The following ELAPOR2 variants were observed in gnomAD, a reference collection of about 807,000 sequenced individuals.
The protein encoded by ELAPOR2 is endosome/lysosome-associated apoptosis and autophagy regulator family member 2.
ELAPOR2 carries 89 observed loss-of-function variants against 120.7 expected under a neutral mutation model. That is an observed-to-expected ratio of 0.74 (90% confidence interval 0.62 to 0.88). The LOEUF is 0.88. ELAPOR2 is among the 40% of genes least tolerant of loss of function. The pLI, the probability that ELAPOR2 is intolerant of heterozygous loss-of-function variation, is 0.00. For missense variants in ELAPOR2, 1,134 were observed against 1,251.6 expected, an observed-to-expected ratio of 0.91 and a Z score of 1.42; for synonymous variants, 444 against 444.9, an observed-to-expected ratio of 1.00 and a Z score of 0.03.
At chr7:86,938,254 T>C in intron 7 of ELAPOR2, 40 bp from the exon 8 acceptor site, 2 of 1,465,784 alleles carry the variant, frequency 1.4e-6, no homozygotes, top group Non-Finnish European at 1.9e-6. Context: ...GGGTCAATTA[T>C]TTTGCAACTC....
chr7:87,029,696 A>G (rs1003447405), intron 1 of ELAPOR2, among the ~76,000 whole-genome samples: 8 of 152,188 alleles, frequency 5.3e-5, no homozygotes, highest in African/African-American at 1.9e-4. Flanking sequence ...TGCTTGTTCA[A>G]ATTATTCAAA....
In ELAPOR2 at chr7:86,989,175, T is replaced by G. The variant is rs145608617; in HGVS notation, c.190-24151A>C. On this transcript the variant is annotated intron_variant, in intron 1 of 21. Transcript: ENST00000450689. ...ATTAGTGAGCCACCAGATTATAGAC[T>G]TTTTTTAAAGATGCAATTTTAATCA... Among the ~76,000 whole-genome samples, 277 of 152,306 alleles carry G rather than the reference T, an allele frequency of 1.8e-3. 7 individuals carry two copies. The East Asian group carries it at 0.05, about 28-fold the overall frequency.
intron 4 of ELAPOR2, among the ~76,000 whole-genome samples, chr7:86,943,346 A>T (rs1203318884): frequency 6.6e-6 from 1 of 151,966 alleles, no homozygotes; most frequent in Non-Finnish European, 1.5e-5. Flanking sequence ...ATATAGTTCC[A>T]AAATTAAATA....
At chr7:87,046,204 C>T (rs1794951119) in intron 1 of ELAPOR2, among the ~76,000 whole-genome samples, 1 of 151,990 alleles carries the variant, frequency 6.6e-6, no homozygotes, top group South Asian at 2.1e-4. Context: ...ATCTCATTTA[C>T]AATAGCCATG....
chr7:87,052,805 T>TGTTTTG (rs1256400591), intron 1 of ELAPOR2, among the ~76,000 whole-genome samples: 1 of 151,132 alleles, frequency 6.6e-6, no homozygotes, highest in Non-Finnish European at 1.5e-5. Flanking sequence ...TGTTTTGTTT[T>TGTTTTG]GTTTTGTTTG....
chr7:86,909,554 GA>G (rs1789195840), intron 16 of ELAPOR2, among the ~76,000 whole-genome samples: 1 of 152,004 alleles, frequency 6.6e-6, no homozygotes, highest in African/African-American at 2.4e-5. Flanking sequence ...TAAAGTTCTA[GA>G]AAGTCTGATG....
At chr7:86,976,672 G>C (rs1309523530) in intron 1 of ELAPOR2, among the ~76,000 whole-genome samples, 3 of 152,118 alleles carry the variant, frequency 2.0e-5, no homozygotes, top group Non-Finnish European at 4.4e-5. Context: ...AACCTAACCA[G>C]GTCAACTGGC....
At chr7:87,013,512 G>A (rs1394114762) in intron 1 of ELAPOR2, among the ~76,000 whole-genome samples, 6 of 152,174 alleles carry the variant, frequency 3.9e-5, no homozygotes, top group African/African-American at 1.4e-4. Context: ...AGGGTGAGGT[G>A]AGTGTTAGAT....
rs574169380 is a variant in ELAPOR2 at position 87,040,311 on chromosome 7, G to A, written c.189+19014C>T. Among the ~76,000 whole-genome samples, 272 of 152,284 alleles carry A rather than the reference G, an allele frequency of 1.8e-3. 3 individuals are homozygous for A. The highest frequency in any genetic ancestry group is 6.2e-3 in the African/African-American group (257 of 41,558). ...GCCTGCCTCTGCAGGCTCCACCTCTGGGGGCAGGGCACAGACAAACAAAAA... is the reference window on the plus strand; with the variant it reads ...GCCTGCCTCTGCAGGCTCCACCTCTAGGGGCAGGGCACAGACAAACAAAAA... On this transcript the variant is annotated intron_variant, in intron 1 of 21. Transcript: ENST00000450689.
chr7:86,982,366 T>C (rs1792532430), intron 1 of ELAPOR2, among the ~76,000 whole-genome samples: 1 of 152,164 alleles, frequency 6.6e-6, no homozygotes, highest in Admixed American at 6.5e-5. Context: ...CTCAAGTGGG[T>C]CCCTGACCTC....
At chr7:86,912,774 A>C (rs1237954408) in intron 14 of ELAPOR2, among the ~76,000 whole-genome samples, 167 bp downstream of exon 14, 1 of 152,232 alleles carries the variant, frequency 6.6e-6, no homozygotes, top group East Asian at 1.9e-4. Context: ...GCATACAGTA[A>C]GTGTTTAATA....
chr7:86,958,567 T>TC (rs1791569953), intron 2 of ELAPOR2, among the ~76,000 whole-genome samples: 1 of 152,156 alleles, frequency 6.6e-6, no homozygotes, highest in Non-Finnish European at 1.5e-5. Flanking sequence ...GTTGCCAGAA[T>TC]CTCTGGCCCT....
chr7:86,908,186 C>G (rs1322454685), intron 17 of ELAPOR2, among the ~76,000 whole-genome samples: 2 of 146,584 alleles, frequency 1.4e-5, no homozygotes, highest in African/African-American at 2.6e-5. Context: ...CACACACACA[C>G]GAGAAATTAT....
chr7:87,040,170 G>A (rs996686138), intron 1 of ELAPOR2, among the ~76,000 whole-genome samples: 1 of 152,246 alleles, frequency 6.6e-6, no homozygotes, highest in African/African-American at 2.4e-5. Context: ...AGATCAAACT[G>A]CAAGGCGGCA....
chr7:86,954,269 T>G (rs1584391272), intron 2 of ELAPOR2, among the ~76,000 whole-genome samples: 4 of 152,306 alleles, frequency 2.6e-5, no homozygotes, highest in Middle Eastern at 3.4e-3. Flanking sequence ...CAAATAACTG[T>G]TACTGAATTG....
chr7:86,901,196 C>G (rs1410048722), intron 18 of ELAPOR2, among the ~76,000 whole-genome samples: 1 of 152,182 alleles, frequency 6.6e-6, no homozygotes, highest in East Asian at 1.9e-4. Context: ...AAAGCACAAC[C>G]AGGTGGACCT....
At chr7:86,941,289 C>T (rs1346425258) in intron 5 of ELAPOR2, 2 of 528,168 alleles carry the variant, frequency 3.8e-6, no homozygotes, top group Admixed American at 2.0e-5. Context: ...GATATTAAAT[C>T]CATGTCTCTC....
At chr7:87,012,881 T>C (rs531114006) in intron 1 of ELAPOR2, among the ~76,000 whole-genome samples, 1 of 152,302 alleles carries the variant, frequency 6.6e-6, no homozygotes, top group South Asian at 2.1e-4. Context: ...CAAAGCACTA[T>C]TCTAAAATCC....
rs185276804 is a variant in ELAPOR2, at chr7:86,964,687, A to T, written c.310+217T>A. On this transcript the variant is annotated intron_variant, in intron 2 of 21. Coordinates refer to ENST00000450689, the MANE Select transcript of ELAPOR2 (RefSeq NM_001142749.3). The stretch of plus-strand genomic sequence containing the variant: ...AAATAAGAAAATAGATTTTAAAAAA[A>T]AATAATAACATTCTTTAATATTGCC... Among the ~76,000 whole-genome samples the T allele has an allele frequency of 4.6e-3, 703 of 152,330 alleles. 5 individuals are homozygous for T. The highest frequency in any genetic ancestry group is 5.7e-3 in the Non-Finnish European group (385 of 68,036).
Sources: gnomAD v4.1 joint callset for allele counts (sites outside exome capture counted in the v4.1 genomes callset) on GRCh38, gnomAD v4.1.1 for gene constraint, MANE v1.5 for transcripts, NCBI Gene and HGNC (gene_info 2026-07-23, HGNC 2026-07-21) for gene names.